Variants in SLC9A9 observed in about 807,000 individuals in gnomAD.
SLC9A9 encodes sodium/hydrogen exchanger 9.
In SLC9A9, 62 loss-of-function variants were observed where a neutral mutation model predicts 77.8. The ratio of observed to expected loss-of-function variants is 0.80; its 90% CI spans 0.65 to 0.98. The LOEUF (loss-of-function observed/expected upper bound fraction) is 0.98, where lower values mean the gene tolerates loss of function less well. Among genes scored for constraint, SLC9A9 ranks in the 50% least tolerant of loss-of-function variants. SLC9A9 has a pLI of 0.00. For synonymous variants in SLC9A9, 320 were observed against 283.5 expected (o/e 1.13, Z -1.29); for missense variants, 775 against 774.9 (o/e 1.00, Z 0.00).
intron 6 of SLC9A9, among the ~76,000 whole-genome samples, chr3:143,630,605 T>C (rs1399699039): frequency 6.6e-6 from 1 of 152,170 alleles, no homozygotes; most frequent in East Asian, 1.9e-4. Context: ...TGAAAAATAA[T>C]CAGAGTTTAA....
At chr3:143,388,741 G>A (rs1203193547) in intron 12 of SLC9A9, among the ~76,000 whole-genome samples, 1 of 152,188 alleles carries the variant, frequency 6.6e-6, no homozygotes, top group African/African-American at 2.4e-5. Flanking sequence ...AAAGGTCAAT[G>A]ATAGGATTCC....
chr3:143,687,756 T>C (rs1336191204), intron 5 of SLC9A9, among the ~76,000 whole-genome samples: 1 of 151,180 alleles, frequency 6.6e-6, no homozygotes, highest in Non-Finnish European at 1.5e-5. Context: ...AAAAAAGAAG[T>C]TGGAAGCAAT....
chr3:143,371,496 T>G (rs144625522), intron 13 of SLC9A9, among the ~76,000 whole-genome samples: 1 of 152,202 alleles, frequency 6.6e-6, no homozygotes, highest in East Asian at 1.9e-4. Flanking sequence ...TCATAACAAC[T>G]GCTAGACATG....
At chr3:143,399,968 T>TC (rs2033814924) in intron 12 of SLC9A9, among the ~76,000 whole-genome samples, 1 of 152,112 alleles carries the variant, frequency 6.6e-6, no homozygotes, top group Non-Finnish European at 1.5e-5. Context: ...TATATATCTT[T>TC]AAAGTACATA....
At chr3:143,785,086 A>G (rs1265285511) in intron 4 of SLC9A9, among the ~76,000 whole-genome samples, 1 of 152,238 alleles carries the variant, frequency 6.6e-6, no homozygotes, top group Admixed American at 6.5e-5. Flanking sequence ...ACTTTGTTAT[A>G]GCAGCCTGAA....
chr3:143,359,365 C>T (rs952826532), intron 14 of SLC9A9, among the ~76,000 whole-genome samples: 2 of 151,928 alleles, frequency 1.3e-5, no homozygotes, highest in Non-Finnish European at 2.9e-5. Flanking sequence ...CATTCTGTGT[C>T]GGGTGGTGGT....
intron 14 of SLC9A9, among the ~76,000 whole-genome samples, chr3:143,280,151 C>T (rs1035491913): frequency 5.9e-5 from 9 of 152,020 alleles, no homozygotes; most frequent in South Asian, 2.1e-4. Context: ...TTTGTTTCTC[C>T]GGTCCCTGGG....
chr3:143,743,233 GGATGGATGGATA>G (rs1344202302), intron 4 of SLC9A9, among the ~76,000 whole-genome samples: 11 of 134,448 alleles, frequency 8.2e-5, no homozygotes, highest in African/African-American at 2.6e-4. Flanking sequence ...ATGGATGGAT[GGATGGATGGATA>G]GATAGATAGA....
At chr3:143,749,590 A>G (rs1285552585) in intron 4 of SLC9A9, among the ~76,000 whole-genome samples, 4 of 152,236 alleles carry the variant, frequency 2.6e-5, no homozygotes, top group Admixed American at 1.3e-4. Flanking sequence ...TCAGTACTCC[A>G]TCAGTACCAC....
At chr3:143,518,093 G>A in intron 9 of SLC9A9, 1 of 1,571,640 alleles carries the variant, frequency 6.4e-7, no homozygotes, top group Non-Finnish European at 8.7e-7. Context: ...AGCTTTCTGA[G>A]TAGCAGGTGG....
chr3:143,377,119 CATG>C (rs1180549309), intron 13 of SLC9A9, among the ~76,000 whole-genome samples: 1 of 152,086 alleles, frequency 6.6e-6, no homozygotes, highest in Non-Finnish European at 1.5e-5. Flanking sequence ...ATTTAATGAC[CATG>C]ATGACCCCAC....
intron 2 of SLC9A9, among the ~76,000 whole-genome samples, chr3:143,822,523 T>C (rs2009193142): frequency 6.6e-6 from 1 of 152,178 alleles, no homozygotes; most frequent in Non-Finnish European, 1.5e-5. Context: ...CAGCTGAATG[T>C]GCAGCTTCGT....
chr3:143,424,379 G>C (rs1310806660), intron 12 of SLC9A9, among the ~76,000 whole-genome samples: 1 of 151,426 alleles, frequency 6.6e-6, no homozygotes, highest in African/African-American at 2.4e-5. Context: ...CCATTCTCCT[G>C]CCTCAGCCTC....
At chr3:143,283,200 T>C (rs1398272136) in intron 14 of SLC9A9, among the ~76,000 whole-genome samples, 1 of 152,212 alleles carries the variant, frequency 6.6e-6, no homozygotes. Flanking sequence ...GGGAAAGGTA[T>C]TATCTGAAAC....
chr3:143,437,634 A>T (rs3860227), intron 12 of SLC9A9, among the ~76,000 whole-genome samples: 2 of 152,262 alleles, frequency 1.3e-5, no homozygotes, highest in Non-Finnish European at 2.9e-5. Flanking sequence ...CTATACGCAG[A>T]GGGAGAGCTA....
chr3:143,312,920 T>G (rs59614631), intron 14 of SLC9A9: 2 of 152,236 alleles, frequency 1.3e-5, no homozygotes, highest in African/African-American at 4.8e-5. Context: ...CTTCTTTAGA[T>G]AGACACTTTC....
Position 143,578,600 on chromosome 3 carries a change from G to A in SLC9A9, c.879C>T (p.Ala293=). 1 of 1,613,982 alleles carries A rather than the reference G, an allele frequency of 6.2e-7. No individual in the cohort carries two copies. Among genetic ancestry groups the A allele is most frequent in the East Asian group, 2.2e-5 (1 of 44,874 alleles). The change falls in exon 7 of 16, where the codon GCC becomes GCT. Residue 293 remains alanine, a synonymous_variant. Transcript: ENST00000316549. ...CAAAGGATATCAGTGCTGTGATGAT[G>A]GCATACGCAGACCCCATTGCAAATG... The part of the protein sequence containing the change: ...AGSFAMGSAY[A]IITALLTKFT...
chr3:143,298,585 TAAG>T (rs2030381814), intron 14 of SLC9A9, among the ~76,000 whole-genome samples: 1 of 152,250 alleles, frequency 6.6e-6, no homozygotes, highest in Non-Finnish European at 1.5e-5. Context: ...TGCTGCTGGT[TAAG>T]AATAGATTTC....
intron 2 of SLC9A9, among the ~76,000 whole-genome samples, chr3:143,813,608 T>C (rs2008926911): frequency 6.6e-6 from 1 of 152,174 alleles, no homozygotes; most frequent in African/African-American, 2.4e-5. Flanking sequence ...TGGGTCTCTC[T>C]GGGTGTGTAA....
Sources: gnomAD v4.1 joint callset for allele counts (sites outside exome capture counted in the v4.1 genomes callset) on GRCh38, gnomAD v4.1.1 for gene constraint, MANE v1.5 for transcripts, NCBI Gene and HGNC (gene_info 2026-07-23, HGNC 2026-07-21) for gene names.